Variants in SEMA3E observed in about 807,000 individuals in gnomAD.
The protein encoded by SEMA3E is semaphorin-3E.
SEMA3E carries 49 observed loss-of-function variants against 93.6 expected under a neutral mutation model. The ratio of observed to expected loss-of-function variants is 0.52; its 90% CI spans 0.42 to 0.66. SEMA3E has a LOEUF of 0.66. Ranked by LOEUF, SEMA3E falls within the 30% of genes least tolerant of loss-of-function variation. The pLI, the probability that SEMA3E is intolerant of heterozygous loss-of-function variation, is 0.00. For missense variants in SEMA3E, 906 were observed against 964.8 expected, an observed-to-expected ratio of 0.94 and a Z score of 0.81; for synonymous variants, 363 against 330.7, an observed-to-expected ratio of 1.10 and a Z score of -1.06.
At chr7:83,615,047 A>G (rs2115600208) in intron 1 of SEMA3E, among the ~76,000 whole-genome samples, 2 of 152,180 alleles carry the variant, frequency 1.3e-5, no homozygotes, top group South Asian at 4.2e-4. Flanking sequence ...ACTCCAGGAG[A>G]AAGACAGCAA....
intron 2 of SEMA3E, among the ~76,000 whole-genome samples, chr7:83,473,743 T>C (rs1006099852): frequency 6.6e-6 from 1 of 152,210 alleles, no homozygotes; most frequent in Non-Finnish European, 1.5e-5. Flanking sequence ...ATGATTCCTA[T>C]AGGTATTTTA....
rs575950676 is a variant in SEMA3E at position 83,474,067 on chromosome 7, G to A, written c.277-4765C>T. Among the ~76,000 whole-genome samples the A allele has an allele frequency of 2.0e-5, 3 of 146,770 alleles. No individual in the cohort carries two copies. The South Asian group carries it at 6.4e-4, about 32-fold the overall frequency. ...GGATCCTGCCACTACACTCCAGCCTGGGCAACAGAGTGAGACTCTATCTCA... is the reference window on the plus strand; with the variant it reads ...GGATCCTGCCACTACACTCCAGCCTAGGCAACAGAGTGAGACTCTATCTCA... On this transcript the variant is annotated intron_variant, in intron 2 of 16. Coordinates refer to ENST00000643230, the MANE Select transcript of SEMA3E (RefSeq NM_012431.3).
intron 14 of SEMA3E, among the ~76,000 whole-genome samples, chr7:83,388,163 G>A (rs1046500268): frequency 4.0e-5 from 6 of 148,176 alleles, no homozygotes; most frequent in African/African-American, 7.4e-5. Context: ...ACAAAAATTA[G>A]TCGGGCGTGG....
chr7:83,385,478 A>G (rs769628247), intron 15 of SEMA3E, 45 bp from the exon 16 acceptor site: 1 of 1,596,948 alleles, frequency 6.3e-7, no homozygotes, highest in Non-Finnish European at 8.6e-7. Flanking sequence ...TAGATTTTAT[A>G]GGTAAATAAA....
At chr7:83,572,233 T>A (rs1269186915) in intron 1 of SEMA3E, among the ~76,000 whole-genome samples, 1 of 151,928 alleles carries the variant, frequency 6.6e-6, no homozygotes. Flanking sequence ...ATTCTAAAAT[T>A]CATATTGAAC....
intron 1 of SEMA3E, among the ~76,000 whole-genome samples, chr7:83,611,171 C>T (rs909613833): frequency 6.7e-6 from 1 of 149,980 alleles, no homozygotes; most frequent in African/African-American, 2.4e-5. Flanking sequence ...TAAGAAATCC[C>T]GTCTCTTACC....
At chr7:83,379,644 T>C (rs1365778298) in intron 16 of SEMA3E, among the ~76,000 whole-genome samples, 2 of 151,880 alleles carry the variant, frequency 1.3e-5, no homozygotes, top group African/African-American at 2.4e-5. Context: ...TAAGCTATAC[T>C]AGAGGAGGCA....
At chr7:83,441,804 A>C (rs1285441482) in intron 4 of SEMA3E, among the ~76,000 whole-genome samples, 1 of 152,156 alleles carries the variant, frequency 6.6e-6, no homozygotes, top group African/African-American at 2.4e-5. Context: ...TAATATCACC[A>C]CTGTCATCAG....
chr7:83,440,801 C>CAAAAAAAAA, intron 4 of SEMA3E, among the ~76,000 whole-genome samples: 1 of 123,838 alleles, frequency 8.1e-6, no homozygotes, highest in Non-Finnish European at 1.7e-5. Context: ...GACTCCGTCT[C>CAAAAAAAAA]AAAAAAAAAA....
intron 1 of SEMA3E, among the ~76,000 whole-genome samples, chr7:83,568,168 G>A (rs1332073556): frequency 6.6e-6 from 1 of 152,070 alleles, no homozygotes; most frequent in African/African-American, 2.4e-5. Context: ...AATCTACCAA[G>A]ATTGAATCAG....
chr7:83,390,134 CATATATGCGCGTATACGT>C (rs1787984541), intron 14 of SEMA3E, among the ~76,000 whole-genome samples: 3 of 44,918 alleles, frequency 6.7e-5, no homozygotes, highest in Non-Finnish European at 1.3e-4. Flanking sequence ...TACGTGTGCA[CATATATGCGCGTATACGT>C]GTGCACATAT....
chr7:83,635,975 T>C (rs905613911), intron 1 of SEMA3E, among the ~76,000 whole-genome samples: 11 of 152,160 alleles, frequency 7.2e-5, no homozygotes, highest in Non-Finnish European at 1.5e-4. Context: ...CTGACTTTCT[T>C]TTCTTTCTGC....
chr7:83,373,059 C>A (rs1794770720), intron 16 of SEMA3E: 1 of 151,886 alleles, frequency 6.6e-6, no homozygotes, highest in Admixed American at 6.6e-5. Context: ...TTCTTATAGG[C>A]AATCTATATA....
intron 14 of SEMA3E, among the ~76,000 whole-genome samples, chr7:83,388,502 A>T (rs1787929432): frequency 6.6e-6 from 1 of 151,920 alleles, no homozygotes; most frequent in Non-Finnish European, 1.5e-5. Flanking sequence ...TTAAAATAGA[A>T]GTATTACATA....
chr7:83,579,106 T>C (rs1310987220), intron 1 of SEMA3E, among the ~76,000 whole-genome samples: 1 of 152,134 alleles, frequency 6.6e-6, no homozygotes, highest in Non-Finnish European at 1.5e-5. Flanking sequence ...AGTTTAACTA[T>C]TTGCAGATAC....
At chr7:83,373,346 T>C (rs2116899643) in intron 16 of SEMA3E, among the ~76,000 whole-genome samples, 1 of 152,252 alleles carries the variant, frequency 6.6e-6, no homozygotes, top group African/African-American at 2.4e-5. Flanking sequence ...ACAATTTATA[T>C]ATTTGTTTGT....
chr7:83,515,652 C>T (rs1790911904), intron 1 of SEMA3E, among the ~76,000 whole-genome samples: 1 of 152,150 alleles, frequency 6.6e-6, no homozygotes, highest in Admixed American at 6.6e-5. Flanking sequence ...GACTGCTCAC[C>T]TCAGCAATGG....
chr7:83,637,839 T>G (rs1359972692), intron 1 of SEMA3E, among the ~76,000 whole-genome samples: 1 of 151,364 alleles, frequency 6.6e-6, no homozygotes, highest in Non-Finnish European at 1.5e-5. Flanking sequence ...TAACGTATAT[T>G]TTAGAAAGAG....
chr7:83,642,460 C>A (rs302123), intron 1 of SEMA3E, among the ~76,000 whole-genome samples: 55,249 of 151,882 alleles, frequency 0.36, 10,961 homozygotes, highest in Non-Finnish European at 0.44. Context: ...ATATCAGAGA[C>A]TGCAACACTT....
Sources: gnomAD v4.1 joint callset for allele counts (sites outside exome capture counted in the v4.1 genomes callset) on GRCh38, gnomAD v4.1.1 for gene constraint, MANE v1.5 for transcripts, NCBI Gene and HGNC (gene_info 2026-07-23, HGNC 2026-07-21) for gene names.